The following OSBPL8 variants were observed in gnomAD, a reference collection of about 807,000 sequenced individuals.
OSBPL8 encodes oxysterol-binding protein-related protein 8.
In OSBPL8, 59 loss-of-function variants were observed where a neutral mutation model predicts 125.5. That is an observed-to-expected ratio of 0.47 (90% CI 0.38 to 0.58). OSBPL8 has a LOEUF of 0.58. Ranked by LOEUF, OSBPL8 falls within the 20% of genes least tolerant of loss-of-function variation. The pLI is 0.00. For synonymous variants in OSBPL8, 330 were observed against 338.9 expected (o/e 0.97, Z 0.29); for missense variants, 758 against 1,047.8 (o/e 0.72, Z 3.82).
intron 1 of OSBPL8, among the ~76,000 whole-genome samples, chr12:76,515,127 G>A (rs1234550142): frequency 3.3e-5 from 5 of 152,076 alleles, no homozygotes; most frequent in South Asian, 2.1e-4. Flanking sequence ...TCCTATCCAC[G>A]TTCTGAATTC....
chr12:76,444,206 G>C (rs929344942), intron 4 of OSBPL8, among the ~76,000 whole-genome samples: 20 of 152,106 alleles, frequency 1.3e-4, no homozygotes, highest in African/African-American at 4.8e-4. Flanking sequence ...ACATGAATGA[G>C]AATAGATGAA....
At chr12:76,380,340 C>T (rs952483805) in intron 15 of OSBPL8, among the ~76,000 whole-genome samples, 9 of 152,010 alleles carry the variant, frequency 5.9e-5, no homozygotes, top group Non-Finnish European at 1.2e-4. Flanking sequence ...ACACGACTTA[C>T]ACATCTTTTA....
At chr12:76,408,798 C>T (rs1954385767) in intron 5 of OSBPL8, among the ~76,000 whole-genome samples, 1 of 152,070 alleles carries the variant, frequency 6.6e-6, no homozygotes, top group African/African-American at 2.4e-5. Flanking sequence ...CTCCCCGCCC[C>T]CCATTAAGGC....
intron 21 of OSBPL8, among the ~76,000 whole-genome samples, chr12:76,364,908 G>T (rs1245856135): frequency 6.6e-6 from 1 of 152,098 alleles, no homozygotes; most frequent in East Asian, 1.9e-4. Context: ...AAAAAAATAG[G>T]CTTGGAATAT....
intron 2 of OSBPL8, among the ~76,000 whole-genome samples, chr12:76,483,260 C>A (rs1354940668): frequency 6.6e-6 from 1 of 151,114 alleles, no homozygotes; most frequent in East Asian, 1.9e-4. Flanking sequence ...GACTCTGTCT[C>A]AAAAAATAAC....
At chr12:76,397,075 A>C (rs532217144) in intron 8 of OSBPL8, among the ~76,000 whole-genome samples, 1 of 152,124 alleles carries the variant, frequency 6.6e-6, no homozygotes, top group African/African-American at 2.4e-5. Flanking sequence ...CTGGCCTACC[A>C]AAGTGCTGGG....
intron 14 of OSBPL8, 104 bp from the exon 15 acceptor site, chr12:76,384,454 C>T (rs1320485512): frequency 5.1e-6 from 3 of 587,664 alleles, no homozygotes; most frequent in Non-Finnish European, 7.9e-6. Flanking sequence ...AAGTTCAAGT[C>T]TTATAATGAG....
intron 4 of OSBPL8, among the ~76,000 whole-genome samples, chr12:76,436,720 G>GT (rs1198785450): frequency 6.6e-6 from 1 of 151,938 alleles, no homozygotes; most frequent in Non-Finnish European, 1.5e-5. Context: ...ACAGAAACCA[G>GT]TAACAGTCCA....
At chr12:76,393,635 C>T (rs1370592218) in intron 9 of OSBPL8, among the ~76,000 whole-genome samples, 1 of 126,710 alleles carries the variant, frequency 7.9e-6, no homozygotes, top group African/African-American at 3.0e-5. Flanking sequence ...GGCGTGAACC[C>T]GGGAGACGGA....
chr12:76,543,783 A>G (rs1326980875), intron 1 of OSBPL8, among the ~76,000 whole-genome samples: 1 of 152,220 alleles, frequency 6.6e-6, no homozygotes, highest in Non-Finnish European at 1.5e-5. Context: ...TTATTCACAA[A>G]AAGTTTAACT....
At chr12:76,467,494 T>G (rs577968047) in intron 2 of OSBPL8, among the ~76,000 whole-genome samples, 2 of 152,268 alleles carry the variant, frequency 1.3e-5, no homozygotes, top group Admixed American at 6.5e-5. Flanking sequence ...GTATCAGAGA[T>G]AGTAATCAGC....
chr12:76,476,312 A>G (rs1439926572), intron 2 of OSBPL8, among the ~76,000 whole-genome samples: 1 of 152,204 alleles, frequency 6.6e-6, no homozygotes. Context: ...TATTCTAAGG[A>G]GCCCAAGTGC....
chr12:76,417,325 C>G (rs1466188333), intron 4 of OSBPL8, among the ~76,000 whole-genome samples: 1 of 152,214 alleles, frequency 6.6e-6, no homozygotes, highest in Non-Finnish European at 1.5e-5. Flanking sequence ...TTTTCACCCT[C>G]TGTCTTTGAT....
At chr12:76,369,573 T>C (rs1408433568) in intron 20 of OSBPL8, 64 bp downstream of exon 20, 2 of 1,495,778 alleles carry the variant, frequency 1.3e-6, no homozygotes, top group Non-Finnish European at 1.8e-6. Context: ...ACAAATATTC[T>C]AGAAATAAAG....
At position 76,390,503 on chromosome 12, in the gene OSBPL8, C is replaced by T; in HGVS notation, c.1084G>A (p.Asp362Asn). 6.2e-7 allele frequency: 1 copy of T among 1,613,930 alleles called. No homozygotes were observed. Residue 362 changes from aspartate to asparagine, a missense_variant, in exon 11 of 24, where the codon GAT becomes AAT. Physicochemically the swap from Asp to Asn is conservative, Grantham distance 23. Transcript: ENST00000261183. ...GGCTCAGGTTCGATATATGAGTCAT[C>T]TTGTCTTTCTGATGTATCTGTGTCA... ...ESDTDTSERQDDSYIEPEPVE... is the reference protein window; with the variant it reads ...ESDTDTSERQNDSYIEPEPVE...
At chr12:76,391,039 G>T (rs371907079) in intron 10 of OSBPL8, among the ~76,000 whole-genome samples, 1 of 151,890 alleles carries the variant, frequency 6.6e-6, no homozygotes, top group African/African-American at 2.4e-5. Context: ...TGTCACTTAT[G>T]GTATGAAGAA....
intron 5 of OSBPL8, among the ~76,000 whole-genome samples, chr12:76,408,601 A>T (rs1415132573): frequency 6.6e-6 from 1 of 152,162 alleles, no homozygotes; most frequent in Non-Finnish European, 1.5e-5. Flanking sequence ...TCTAAATGAC[A>T]GATGTCCTAT....
At chr12:76,499,961 C>T (rs1453093173) in intron 1 of OSBPL8, among the ~76,000 whole-genome samples, 1 of 152,144 alleles carries the variant, frequency 6.6e-6, no homozygotes, top group Non-Finnish European at 1.5e-5. Context: ...AGCTACCCTC[C>T]AATGATCCTT....
intron 1 of OSBPL8, among the ~76,000 whole-genome samples, chr12:76,489,450 A>AG (rs1198059559): frequency 6.6e-6 from 1 of 152,188 alleles, no homozygotes; most frequent in East Asian, 1.9e-4. Context: ...TTGAAGTTGA[A>AG]GCCAATGTTC....
Sources: allele counts gnomAD v4.1 joint callset (sites outside exome capture counted in the v4.1 genomes callset), GRCh38; gene constraint gnomAD v4.1.1; transcripts MANE v1.5; gene names NCBI Gene and HGNC (gene_info 2026-07-23, HGNC 2026-07-21).